RIMS4: variants seen among roughly 807,000 people sequenced by gnomAD.
RIMS4 encodes regulating synaptic membrane exocytosis 4.
In RIMS4, 9 loss-of-function variants were observed where a neutral mutation model predicts 29.0. That is an observed-to-expected ratio of 0.31 (90% CI 0.19 to 0.54). The LOEUF (loss-of-function observed/expected upper bound fraction) is 0.54. Among genes scored for constraint, RIMS4 ranks in the 20% least tolerant of loss-of-function variants. The pLI, the probability that RIMS4 is intolerant of heterozygous loss-of-function variation, is 0.94. For missense variants in RIMS4, 193 were observed against 365.7 expected, an observed-to-expected ratio of 0.53 and a Z score of 3.85; for synonymous variants, 130 against 152.9, an observed-to-expected ratio of 0.85 and a Z score of 1.10.
intron 1 of RIMS4, among the ~76,000 whole-genome samples, chr20:44,795,432 G>A (rs1253755126): frequency 6.6e-6 from 1 of 152,048 alleles, no homozygotes; most frequent in African/African-American, 2.4e-5. Context: ...TCAGGAGATC[G>A]AGACCATCCT....
intron 1 of RIMS4, among the ~76,000 whole-genome samples, chr20:44,801,677 C>T (rs550920716): frequency 5.9e-4 from 90 of 152,294 alleles, no homozygotes; most frequent in African/African-American, 2.1e-3. Flanking sequence ...TGATGCATTG[C>T]TCATTTTGAC....
chr20:44,759,128 C>T (rs550403383), intron 2 of RIMS4, among the ~76,000 whole-genome samples: 8 of 152,268 alleles, frequency 5.3e-5, no homozygotes, highest in Admixed American at 3.3e-4. Flanking sequence ...GTATTAAGTG[C>T]GATGAGGCAC....
chr20:44,790,678 T>G (rs1398303587), intron 1 of RIMS4, among the ~76,000 whole-genome samples: 1 of 152,088 alleles, frequency 6.6e-6, no homozygotes, highest in Non-Finnish European at 1.5e-5. Context: ...CTCTGCTCCA[T>G]GAAGGATGGA....
At chr20:44,785,102 G>A (rs1268780643) in intron 1 of RIMS4, among the ~76,000 whole-genome samples, 1 of 152,082 alleles carries the variant, frequency 6.6e-6, no homozygotes, top group Non-Finnish European at 1.5e-5. Flanking sequence ...CTTCTTCATT[G>A]TTCAAGGAGC....
intron 1 of RIMS4, among the ~76,000 whole-genome samples, chr20:44,806,666 G>A (rs1018852349): frequency 5.9e-5 from 9 of 152,210 alleles, no homozygotes; most frequent in Non-Finnish European, 1.2e-4. Flanking sequence ...CAGCTAACAT[G>A]TAGTGAGAGC....
At chr20:44,772,493 G>A (rs752565753) in intron 1 of RIMS4, among the ~76,000 whole-genome samples, 15 of 152,228 alleles carry the variant, frequency 9.9e-5, no homozygotes, top group African/African-American at 2.6e-4. Flanking sequence ...ACAACCAACC[G>A]TAAGGTGGAT....
intron 1 of RIMS4, among the ~76,000 whole-genome samples, chr20:44,795,343 T>C (rs756307462): frequency 3.3e-5 from 5 of 152,272 alleles, no homozygotes; most frequent in South Asian, 4.1e-4. Flanking sequence ...ATCTATAAAA[T>C]AGGGATAGCC....
chr20:44,783,824 G>A (rs1414245480), intron 1 of RIMS4, among the ~76,000 whole-genome samples: 1 of 152,182 alleles, frequency 6.6e-6, no homozygotes, highest in Non-Finnish European at 1.5e-5. Flanking sequence ...AGGACCAGAG[G>A]GAGGGGCAAA....
Position 44,779,906 on chromosome 20 carries a change from G to A in RIMS4, c.98-8493C>T, listed in dbSNP as rs2066176437. Among the ~76,000 whole-genome samples the A allele has an allele frequency of 3.3e-5, 5 of 152,254 alleles. No homozygotes were observed. The South Asian group carries it at 1.0e-3, about 32-fold the overall frequency. ...TTCTGAAGAAGTGAGGCTAAAGATT[G>A]GAAGATTTTGAGGAAAAAGATGGTG... On this transcript the variant is annotated intron_variant, in intron 1 of 5. Coordinates refer to ENST00000372851, the MANE Select transcript of RIMS4 (RefSeq NM_182970.4).
intron 2 of RIMS4, among the ~76,000 whole-genome samples, chr20:44,769,426 A>G (rs759939247): frequency 2.6e-5 from 4 of 152,146 alleles, no homozygotes; most frequent in Non-Finnish European, 4.4e-5. Flanking sequence ...GGCCTCAAAC[A>G]TGAGAGAGGT....
chr20:44,783,927 T>C (rs1287415558), intron 1 of RIMS4, among the ~76,000 whole-genome samples: 2 of 152,232 alleles, frequency 1.3e-5, no homozygotes, highest in Non-Finnish European at 2.9e-5. Context: ...AAATTAAATA[T>C]TAAAACCCAC....
In RIMS4 at chr20:44,756,102, G is replaced by A; in HGVS notation, c.*32C>T. ...CAGGTCAGGGCTGGGTGGTCTCCAG[G>A]CCATCTTGGGGAGCCCCTCCCCATT... is the stretch of plus-strand genomic sequence containing the variant. On this transcript the variant is annotated 3_prime_UTR_variant, in exon 6 of 6. Transcript: ENST00000372851. This position sits in a 1 kb window ranked among gnomAD's most constrained non-coding sequence, Gnocchi z 5.9. 1 of 1,537,858 alleles carries A rather than the reference G, an allele frequency of 6.5e-7. No individual in the cohort carries two copies. Among genetic ancestry groups the A allele is most frequent in the Non-Finnish European group, 8.9e-7 (1 of 1,127,324 alleles).
At chr20:44,762,850 C>T (rs2066092205) in intron 2 of RIMS4, among the ~76,000 whole-genome samples, 2 of 152,230 alleles carry the variant, frequency 1.3e-5, no homozygotes, top group Non-Finnish European at 2.9e-5. Flanking sequence ...TCTGCCTCTA[C>T]AACTCACTAG....
chr20:44,764,216 A>G (rs1173492430), intron 2 of RIMS4, among the ~76,000 whole-genome samples: 1 of 147,966 alleles, frequency 6.8e-6, no homozygotes, highest in African/African-American at 2.7e-5. Context: ...CCATCCACCC[A>G]TCCATCCATC....
chr20:44,789,718 GC>G (rs2066224678), intron 1 of RIMS4, among the ~76,000 whole-genome samples: 1 of 152,130 alleles, frequency 6.6e-6, no homozygotes, highest in African/African-American at 2.4e-5. Context: ...ACCACATCTG[GC>G]TGAGTTTTAT....
intron 2 of RIMS4, among the ~76,000 whole-genome samples, chr20:44,770,907 T>A (rs1024619959): frequency 1.3e-5 from 2 of 152,260 alleles, no homozygotes. Context: ...TGCTTTATGC[T>A]GTGTATAAAT....
In RIMS4 at chr20:44,753,813, C is replaced by T. The variant is rs185213483; in HGVS notation, c.*2321G>A. 5.1e-4 allele frequency: 78 copies of T among 152,724 alleles called. No homozygotes were observed. The highest frequency in any genetic ancestry group is 2.1e-3 in the South Asian group (10 of 4,826). The allele number at this position is 152,724 out of a possible 1,614,324, so 9.5% of individuals were successfully genotyped here. On this transcript the variant is annotated 3_prime_UTR_variant, in exon 6 of 6. Coordinates refer to ENST00000372851, the MANE Select transcript of RIMS4 (RefSeq NM_182970.4). ...CTGCTCCACCCCTCCAGGAGGTGAG[C>T]GGGATTTCACAGAACAAACAAGAAA...
At chr20:44,785,572 G>T (rs908859361) in intron 1 of RIMS4, among the ~76,000 whole-genome samples, 8 of 152,040 alleles carry the variant, frequency 5.3e-5, no homozygotes, top group Non-Finnish European at 1.2e-4. Flanking sequence ...CAGAAAAGAG[G>T]ATGCAACAGG....
intron 1 of RIMS4, among the ~76,000 whole-genome samples, chr20:44,796,251 T>C (rs185071132): frequency 8.1e-4 from 123 of 151,950 alleles, no homozygotes; most frequent in African/African-American, 2.9e-3. Context: ...ATCACAGGCA[T>C]GATCGGATTA....
Sources: allele counts gnomAD v4.1 joint callset (sites outside exome capture counted in the v4.1 genomes callset), GRCh38; gene constraint gnomAD v4.1.1; non-coding constraint Gnocchi (gnomAD v3.1); transcripts MANE v1.5; gene names NCBI Gene and HGNC (gene_info 2026-07-23, HGNC 2026-07-21).